The following PSD3 variants were observed in gnomAD, a reference collection of about 807,000 sequenced individuals.
The protein encoded by PSD3 is PH and SEC7 domain-containing protein 3.
PSD3 carries 49 observed loss-of-function variants against 105.5 expected under a neutral mutation model. That is an observed-to-expected ratio of 0.46 (90% CI 0.37 to 0.59). The LOEUF (loss-of-function observed/expected upper bound fraction) is 0.59. Among genes scored for constraint, PSD3 ranks in the 20% least tolerant of loss-of-function variants. PSD3 has a pLI of 0.00. For missense variants in PSD3, 1,561 were observed against 1,263.8 expected, an observed-to-expected ratio of 1.24 and a Z score of -3.57; for synonymous variants, 557 against 457.8, an observed-to-expected ratio of 1.22 and a Z score of -2.77.
intron 8 of PSD3, among the ~76,000 whole-genome samples, chr8:18,790,867 C>G (rs563848749): frequency 5.2e-4 from 79 of 151,938 alleles, no homozygotes; most frequent in African/African-American, 1.9e-3. Flanking sequence ...TGATAAGCAA[C>G]CTTGGCGAAG....
At chr8:19,023,012 A>G (rs1468324509) in intron 1 of PSD3, among the ~76,000 whole-genome samples, 1 of 152,140 alleles carries the variant, frequency 6.6e-6, no homozygotes, top group East Asian at 1.9e-4. Context: ...AGCTTGAAAG[A>G]GTCATAGCAT....
At chr8:18,958,353 T>C (rs1033358946) in intron 1 of PSD3, among the ~76,000 whole-genome samples, 1 of 152,232 alleles carries the variant, frequency 6.6e-6, no homozygotes, top group African/African-American at 2.4e-5. Context: ...GCCTTTGTTT[T>C]ATAGCTCCTG....
At chr8:18,736,792 AT>A (rs1804182554) in intron 9 of PSD3, among the ~76,000 whole-genome samples, 2 of 152,252 alleles carry the variant, frequency 1.3e-5, no homozygotes, top group African/African-American at 4.8e-5. Flanking sequence ...ATCGTCATCA[AT>A]TAAATCAGTA....
At chr8:18,877,287 T>C (rs1338565906) in intron 2 of PSD3, among the ~76,000 whole-genome samples, 1 of 152,252 alleles carries the variant, frequency 6.6e-6, no homozygotes, top group Non-Finnish European at 1.5e-5. Context: ...CTAAGAGTTT[T>C]GCAGTATTTG....
chr8:18,636,372 T>C (rs1369473291), intron 10 of PSD3, among the ~76,000 whole-genome samples: 2 of 152,210 alleles, frequency 1.3e-5, no homozygotes, highest in Non-Finnish European at 2.9e-5. Flanking sequence ...AGCTGTATAA[T>C]GTGTTTTAAG....
Position 18,784,452 on chromosome 8 carries a change from A to C in PSD3, c.2082+14843T>G, listed in dbSNP as rs553892344. On this transcript the variant is annotated intron_variant, in intron 8 of 15. Transcript: ENST00000327040. Reference sequence around the variant, plus strand: ...ACACCAGTTGGGTGTTTTATAATTCAATTATAATACTATGTATCTGCTGAT... The same window carrying C: ...ACACCAGTTGGGTGTTTTATAATTCCATTATAATACTATGTATCTGCTGAT... Among the ~76,000 whole-genome samples, 14 of 152,278 alleles carry C rather than the reference A, an allele frequency of 9.2e-5. 1 individual carries two copies. The South Asian group carries it at 2.9e-3, about 32-fold the overall frequency.
intron 11 of PSD3, among the ~76,000 whole-genome samples, chr8:18,603,481 T>C (rs1804588048): frequency 6.6e-6 from 1 of 152,232 alleles, no homozygotes; most frequent in Non-Finnish European, 1.5e-5. Flanking sequence ...GTGGCCAATC[T>C]TCTATTTTTG....
intron 9 of PSD3, chr8:18,732,976 CTCT>C (rs1252037703): frequency 6.6e-6 from 1 of 152,176 alleles, no homozygotes; most frequent in Admixed American, 6.5e-5. Context: ...CTGCCCTTGA[CTCT>C]TCAACCAACG....
At chr8:18,708,916 A>C (rs1424014793) in intron 9 of PSD3, among the ~76,000 whole-genome samples, 1 of 152,160 alleles carries the variant, frequency 6.6e-6, no homozygotes, top group Non-Finnish European at 1.5e-5. Context: ...AGGGAGGTGG[A>C]GAGTGATCAT....
At chr8:18,563,570 A>G (rs1242626736) in intron 14 of PSD3, among the ~76,000 whole-genome samples, 1 of 152,162 alleles carries the variant, frequency 6.6e-6, no homozygotes, top group Non-Finnish European at 1.5e-5. Flanking sequence ...AATCCAAAAG[A>G]TTGTTTCATA....
rs1816790033 is a variant in PSD3 at position 18,865,259 on chromosome 8, TA to T, written c.1634+2414del. The T allele has an allele frequency of 8.8e-3, 60 of 6,854 alleles. 5 individuals are homozygous for T. The highest frequency in any genetic ancestry group is 0.026 in the East Asian group (7 of 272). 0.4% of individuals were successfully genotyped at this position (6,854 alleles called of 1,614,324 possible). ...ATATATATATATATATATATATATA[TA>T]TATATATATATATATATATATATAT... On this transcript the variant is annotated intron_variant, in intron 4 of 15. Coordinates refer to ENST00000327040, the MANE Select transcript of PSD3 (RefSeq NM_015310.4).
intron 4 of PSD3, among the ~76,000 whole-genome samples, chr8:18,836,663 T>C (rs1814133792): frequency 6.6e-6 from 1 of 152,192 alleles, no homozygotes; most frequent in African/African-American, 2.4e-5. Flanking sequence ...TAAAATGGTG[T>C]AGTATTTGCA....
intron 2 of PSD3, among the ~76,000 whole-genome samples, chr8:18,933,406 A>G (rs181316857): frequency 7.9e-5 from 12 of 152,122 alleles, no homozygotes; most frequent in Non-Finnish European, 2.9e-5. Flanking sequence ...AAGCTTAATT[A>G]GCAAAAAAAT....
intron 2 of PSD3, among the ~76,000 whole-genome samples, chr8:18,890,457 G>A (rs1473568520): frequency 6.6e-6 from 1 of 152,154 alleles, no homozygotes; most frequent in Non-Finnish European, 1.5e-5. Context: ...GAGCCGAGAG[G>A]AGAGAGGTGA....
At chr8:18,970,410 A>T (rs140858711) in intron 1 of PSD3, among the ~76,000 whole-genome samples, 4 of 151,590 alleles carry the variant, frequency 2.6e-5, no homozygotes, top group Non-Finnish European at 5.9e-5. Context: ...GCAAACCAAC[A>T]TTCCTTATTT....
At chr8:18,893,064 T>C (rs1192918471) in intron 2 of PSD3, among the ~76,000 whole-genome samples, 1 of 152,184 alleles carries the variant, frequency 6.6e-6, no homozygotes. Context: ...TATCCCCATG[T>C]CACTGAGAAC....
chr8:18,626,692 A>G (rs1806505996), intron 11 of PSD3, among the ~76,000 whole-genome samples: 1 of 152,138 alleles, frequency 6.6e-6, no homozygotes, highest in South Asian at 2.1e-4. Flanking sequence ...AGAAGAAGGC[A>G]AAAACATTCA....
intron 13 of PSD3, 53 bp from the exon 14 acceptor site, chr8:18,572,725 C>T: frequency 6.4e-7 from 1 of 1,569,824 alleles, no homozygotes; most frequent in Non-Finnish European, 8.7e-7. Flanking sequence ...TAAGTAGCAT[C>T]ACACTTTGCC....
At chr8:18,863,656 A>G (rs1158302603) in intron 4 of PSD3, among the ~76,000 whole-genome samples, 1 of 152,198 alleles carries the variant, frequency 6.6e-6, no homozygotes, top group Non-Finnish European at 1.5e-5. Flanking sequence ...TAGTCCATCC[A>G]GATTTATTCC....
Sources: gnomAD v4.1 joint callset for allele counts (sites outside exome capture counted in the v4.1 genomes callset) on GRCh38, gnomAD v4.1.1 for gene constraint, MANE v1.5 for transcripts, NCBI Gene and HGNC (gene_info 2026-07-23, HGNC 2026-07-21) for gene names.